The following RNF126 variants were observed in gnomAD, a reference collection of about 807,000 sequenced individuals.
RNF126 encodes E3 ubiquitin-protein ligase RNF126.
In RNF126, 20 loss-of-function variants were observed where a neutral mutation model predicts 41.9. The observed-to-expected ratio is 0.48, with a 90% CI of 0.34 to 0.69. The LOEUF (loss-of-function observed/expected upper bound fraction) is 0.69. Ranked by LOEUF, RNF126 falls within the 30% of genes least tolerant of loss-of-function variation. The pLI, the probability that RNF126 is intolerant of heterozygous loss-of-function variation, is 0.01. For synonymous variants in RNF126, 239 were observed against 202.9 expected, an observed-to-expected ratio of 1.18 and a Z score of -1.51; for missense variants, 433 against 460.6, an observed-to-expected ratio of 0.94 and a Z score of 0.55.
In RNF126 at chr19:648,114, C is replaced by T. The variant is rs756246131; in HGVS notation, c.*14G>A. 1.9e-5 allele frequency: 30 copies of T among 1,556,326 alleles called. No individual in the cohort carries two copies. The highest frequency in any genetic ancestry group is 1.6e-4 in the Admixed American group (9 of 56,030). Reference sequence around the variant, plus strand: ...TGGGAAAGGCCCCGTGCTTTCCCGACGGCCGACGTGGGCTCACGAGTTGCT... The same window carrying T: ...TGGGAAAGGCCCCGTGCTTTCCCGATGGCCGACGTGGGCTCACGAGTTGCT... On this transcript the variant is annotated 3_prime_UTR_variant, in exon 9 of 9. Coordinates refer to ENST00000292363, the MANE Select transcript of RNF126 (RefSeq NM_194460.3).
chr19:648,352 C>CG lies in RNF126; in HGVS notation c.786+19dup. On this transcript the variant is annotated intron_variant, in intron 8 of 8. Transcript: ENST00000292363. ...GAGGGCCGCGGTCGGGGTGGGGGGG[C>CG]GGGTGGGCGGGGCACTCACCTGCTC... The CG allele has an allele frequency of 2.9e-6, 3 of 1,026,010 alleles. No individual in the cohort carries two copies. The highest frequency in any genetic ancestry group is 4.1e-5 in the Admixed American group (1 of 24,168). 63.6% of individuals were successfully genotyped at this position (1,026,010 alleles called of 1,614,324 possible).
chr19:662,731 T>G (rs1568196662), intron 1 of RNF126, among the ~76,000 whole-genome samples: 1 of 151,978 alleles, frequency 6.6e-6, no homozygotes, highest in African/African-American at 2.4e-5. Flanking sequence ...GGATCCCACC[T>G]GGGATCCTCG....
At chr19:662,390 G>C (rs1002626873) in intron 1 of RNF126, among the ~76,000 whole-genome samples, 13 of 152,192 alleles carry the variant, frequency 8.5e-5, no homozygotes, top group African/African-American at 3.1e-4. Flanking sequence ...AGGAAGGGTG[G>C]GCTGCGCAGC....
chr19:650,416 CTATT>C, intron 4 of RNF126, 120 bp from the exon 5 acceptor site: 3 of 796,662 alleles, frequency 3.8e-6, no homozygotes, highest in Non-Finnish European at 4.0e-6. Context: ...AGATTAGCTT[CTATT>C]TATTTATTTT....
rs559611289 is a variant in RNF126, at chr19:651,665, C to T, written c.389G>A (p.Arg130His). The T allele has an allele frequency of 1.5e-4, 230 of 1,555,166 alleles. No individual in the cohort carries two copies. Among genetic ancestry groups the T allele is most frequent in the East Asian group, 3.1e-4 (13 of 41,862 alleles). Residue 130 changes from arginine (R) to histidine (H), a missense_variant, in exon 4 of 9, where the codon CGC becomes CAC. Physicochemically the swap from Arg to His is conservative, Grantham distance 29. Transcript: ENST00000292363. ...GCCGGTGGCCCGCCGCGTGGTGAGG[C>T]GGGCGCGGGGCTGTCGGGCGCCGTA... ...HRYGARQPRA[R>H]LTTRRATGRH...
intron 1 of RNF126, among the ~76,000 whole-genome samples, chr19:655,438 A>T (rs2030519174): frequency 6.6e-6 from 1 of 151,728 alleles, no homozygotes; most frequent in Non-Finnish European, 1.5e-5. Flanking sequence ...GTGAGCCGAG[A>T]TCGCGCCACT....
chr19:649,557 G>T, intron 6 of RNF126, 122 bp downstream of exon 6: 2 of 745,634 alleles, frequency 2.7e-6, no homozygotes, highest in Non-Finnish European at 4.4e-6. Flanking sequence ...GAGCGTGGAG[G>T]CTGTGCCCGC....
intron 1 of RNF126, chr19:661,310 C>G (rs961565685): frequency 2.0e-5 from 3 of 152,428 alleles, no homozygotes; most frequent in Admixed American, 1.3e-4. Flanking sequence ...CTTCCCAGGC[C>G]TGTCCCAGGG....
At chr19:660,894 C>T (rs1178072243) in intron 1 of RNF126, among the ~76,000 whole-genome samples, 1 of 152,240 alleles carries the variant, frequency 6.6e-6, no homozygotes, top group Non-Finnish European at 1.5e-5. Context: ...GCGTCCTGCT[C>T]CAAAGGCACA....
chr19:660,906 G>A (rs1240527309), intron 1 of RNF126, among the ~76,000 whole-genome samples: 1 of 152,262 alleles, frequency 6.6e-6, no homozygotes, highest in South Asian at 2.1e-4. Context: ...AAAGGCACAA[G>A]CAGATGCCCT....
intron 2 of RNF126, 57 bp downstream of exon 2, chr19:652,769 T>C (rs559742002): frequency 3.4e-5 from 52 of 1,542,928 alleles, no homozygotes; most frequent in Admixed American, 5.1e-5. Context: ...CCCACACCCC[T>C]ACAACAGCTG....
intron 1 of RNF126, among the ~76,000 whole-genome samples, chr19:654,695 G>T (rs958520702): frequency 3.7e-5 from 5 of 135,118 alleles, no homozygotes; most frequent in Admixed American, 8.2e-5. Context: ...GGCCGGGCGC[G>T]GTGTCTCATA....
intron 1 of RNF126, among the ~76,000 whole-genome samples, chr19:661,831 G>T (rs2030816510): frequency 6.6e-6 from 1 of 152,164 alleles, no homozygotes; most frequent in African/African-American, 2.4e-5. Flanking sequence ...CCTGGGCACA[G>T]GGTGGGGAGT....
At chr19:662,860 G>C (rs114314070) in intron 1 of RNF126, among the ~76,000 whole-genome samples, 187 bp downstream of exon 1, 10,837 of 152,010 alleles carry the variant, frequency 0.071, 453 homozygotes, top group African/African-American at 0.11. Flanking sequence ...TACAGGACGG[G>C]GTTCGCGCGC....
intron 6 of RNF126, 151 bp downstream of exon 6, chr19:649,528 C>G: frequency 3.2e-6 from 2 of 621,766 alleles, no homozygotes; most frequent in Non-Finnish European, 5.6e-6. Context: ...AAGGCCGGAG[C>G]TGCCCCCTGT....
In RNF126 at chr19:653,671, C is replaced by T. The variant is rs374532719; in HGVS notation, c.76-787G>A. Among the ~76,000 whole-genome samples the T allele has an allele frequency of 2.6e-5, 4 of 152,318 alleles. No homozygotes were observed. The South Asian group carries it at 6.2e-4, about 24-fold the overall frequency. On this transcript the variant is annotated intron_variant, in intron 1 of 8. Coordinates refer to ENST00000292363, the MANE Select transcript of RNF126 (RefSeq NM_194460.3). The stretch of plus-strand genomic sequence containing the variant: ...AGCATTCGTGGGGCCTGGGCTGAAA[C>T]GTGCATGGTGCCTCCCGGCCTCACC...
rs914879882 is a variant in RNF126, at chr19:652,457, T to G, written c.135-161A>C. The G allele has an allele frequency of 1.7e-4, 115 of 658,204 alleles. 1 individual carries two copies. The East Asian group carries it at 3.3e-3, about 19-fold the overall frequency. The allele number at this position is 658,204 out of a possible 1,614,324, so 40.8% of individuals were successfully genotyped here. ...ATTTGGTGCCGTAACCCGCTGCTGC[T>G]TCCCTCGCCAGTAAACCACGGGTTT... On this transcript the variant is annotated intron_variant, in intron 2 of 8. Transcript: ENST00000292363.
In RNF126 at chr19:649,739, C is replaced by G. The variant is rs201030575; in HGVS notation, c.516G>C (p.Leu172=). The part of the protein sequence containing the change: ...TIPSLGPWGV[L]HSNPMDYAWG... ...AGGCGTAGTCCATAGGGTTTGAGTG[C>G]AGGACTCCCCTGGAGGTGGAAGGTG... is the stretch of plus-strand genomic sequence containing the variant. Residue 172 remains leucine (L), a synonymous_variant, in exon 6 of 9, where the codon CTG becomes CTC. Coordinates refer to ENST00000292363, the MANE Select transcript of RNF126 (RefSeq NM_194460.3). 2 of 1,566,700 alleles carry G rather than the reference C, an allele frequency of 1.3e-6. No individual in the cohort carries two copies. The highest frequency in any genetic ancestry group is 4.8e-5 in the East Asian group (2 of 41,922).
At chr19:662,858 G>A (rs1288370771) in intron 1 of RNF126, among the ~76,000 whole-genome samples, 189 bp downstream of exon 1, 5 of 152,072 alleles carry the variant, frequency 3.3e-5, no homozygotes, top group South Asian at 2.1e-4. Context: ...TGTACAGGAC[G>A]GGGTTCGCGC....
Sources: gnomAD v4.1 joint callset for allele counts (sites outside exome capture counted in the v4.1 genomes callset) on GRCh38, gnomAD v4.1.1 for gene constraint, MANE v1.5 for transcripts, NCBI Gene and HGNC (gene_info 2026-07-23, HGNC 2026-07-21) for gene names.